ADAMTSL1: variants seen among roughly 807,000 people sequenced by gnomAD.
ADAMTSL1 encodes the protein ADAMTS-like protein 1.
A neutral mutation model predicts 201.8 loss-of-function variants in ADAMTSL1; 126 were observed. The observed-to-expected ratio is 0.62, with a 90% confidence interval of 0.54 to 0.72. The LOEUF (loss-of-function observed/expected upper bound fraction) is 0.72, where lower values mean the gene tolerates loss of function less well. Ranked by LOEUF, ADAMTSL1 falls within the 30% of genes least tolerant of loss-of-function variation. The pLI is 0.00. For missense variants in ADAMTSL1, 2,679 were observed against 2,277.8 expected (o/e 1.18, Z -3.59); for synonymous variants, 1,121 against 903.4 (o/e 1.24, Z -4.32).
chr9:18,106,386 C>T (rs192376197), intron 1 of ADAMTSL1, among the ~76,000 whole-genome samples: 50 of 152,268 alleles, frequency 3.3e-4, no homozygotes, highest in African/African-American at 1.1e-3. Context: ...ATTTGTAAAG[C>T]TGCAAAGAGA....
chr9:18,870,817 T>C (rs2131461082), intron 23 of ADAMTSL1, among the ~76,000 whole-genome samples: 1 of 152,324 alleles, frequency 6.6e-6, no homozygotes, highest in South Asian at 2.1e-4. Flanking sequence ...TGTTTTTGTT[T>C]AGATTTTATG....
chr9:18,581,576 G>A (rs1823094306), intron 4 of ADAMTSL1, among the ~76,000 whole-genome samples: 1 of 152,144 alleles, frequency 6.6e-6, no homozygotes. Context: ...AGCTGAATCA[G>A]CTATGGGTGA....
rs1237732575 is a variant in ADAMTSL1, at chr9:18,123,495, C to T, written c.88-40367C>T. Among the ~76,000 whole-genome samples the T allele has an allele frequency of 2.0e-5, 3 of 152,152 alleles. No individual in the cohort carries two copies. The South Asian group carries it at 6.2e-4, about 32-fold the overall frequency. On this transcript the variant is annotated intron_variant, in intron 1 of 29. Transcript: ENST00000680146. ...TAAAAATTGGAAGTAGTCTAGTTTTCTGATTGTATAATAACAATGTAATAT... is the reference window on the plus strand; with the variant it reads ...TAAAAATTGGAAGTAGTCTAGTTTTTTGATTGTATAATAACAATGTAATAT...
intron 1 of ADAMTSL1, among the ~76,000 whole-genome samples, chr9:18,126,371 G>C (rs186764374): frequency 6.6e-6 from 1 of 152,044 alleles, no homozygotes; most frequent in Admixed American, 6.6e-5. Context: ...TTAAGATTTA[G>C]TTCCAGTATT....
rs182864056 is a variant in ADAMTSL1, at chr9:18,489,164, T to C, written c.63+14869T>C. ...ATGTATAGACAGAGTTGACAATCACTGATCTAATTGAATATTTAAAGGGTT... is the reference window on the plus strand; with the variant it reads ...ATGTATAGACAGAGTTGACAATCACCGATCTAATTGAATATTTAAAGGGTT... On this transcript the variant is annotated intron_variant, in intron 1 of 28. Transcript: ENST00000380548. Among the ~76,000 whole-genome samples, 287 of 152,334 alleles carry C rather than the reference T, an allele frequency of 1.9e-3. 3 individuals are homozygous for C. The highest frequency in any genetic ancestry group is 6.7e-3 in the African/African-American group (279 of 41,570).
chr9:18,580,442 G>A (rs546828858), intron 4 of ADAMTSL1, among the ~76,000 whole-genome samples: 5 of 152,240 alleles, frequency 3.3e-5, no homozygotes, highest in South Asian at 2.1e-4. Context: ...GAAATAAGGC[G>A]TTGGACATTT....
intron 2 of ADAMTSL1, among the ~76,000 whole-genome samples, chr9:18,510,792 C>A (rs1376728607): frequency 6.6e-6 from 1 of 151,818 alleles, no homozygotes; most frequent in African/African-American, 2.4e-5. Context: ...CCTACTGGTG[C>A]TTGATGATGG....
intron 19 of ADAMTSL1, among the ~76,000 whole-genome samples, chr9:18,793,741 CTG>C (rs1456038475): frequency 1.3e-5 from 2 of 152,080 alleles, no homozygotes; most frequent in African/African-American, 4.8e-5. Flanking sequence ...CCTAAAGTAC[CTG>C]TCAGGTCTAG....
intron 7 of ADAMTSL1, among the ~76,000 whole-genome samples, chr9:18,656,554 G>A (rs550486813): frequency 9.2e-4 from 139 of 151,384 alleles, no homozygotes; most frequent in Non-Finnish European, 1.8e-3. Flanking sequence ...GTGTGAACCC[G>A]GGAGGCGGAG....
intron 23 of ADAMTSL1, among the ~76,000 whole-genome samples, chr9:18,874,057 G>T (rs1450171304): frequency 6.6e-6 from 1 of 151,966 alleles, no homozygotes; most frequent in Non-Finnish European, 1.5e-5. Context: ...TGCAACTATT[G>T]TGAAAGGAGT....
chr9:18,745,653 C>T (rs565052636), intron 15 of ADAMTSL1, among the ~76,000 whole-genome samples: 2 of 152,258 alleles, frequency 1.3e-5, no homozygotes, highest in Admixed American at 1.3e-4. Context: ...AAATACTGTA[C>T]ACATATATGT....
intron 2 of ADAMTSL1, among the ~76,000 whole-genome samples, chr9:18,509,232 A>AAAAGAGTGCCTTG (rs1817874364): frequency 7.7e-6 from 1 of 129,880 alleles, no homozygotes; most frequent in Non-Finnish European, 1.6e-5. Context: ...AAAAAAAAAA[A>AAAAGAGTGCCTTG]GAAATAGATA....
chr9:17,942,395 T>C (rs1645615318), intron 1 of ADAMTSL1, among the ~76,000 whole-genome samples: 1 of 152,174 alleles, frequency 6.6e-6, no homozygotes, highest in Non-Finnish European at 1.5e-5. Context: ...ATTATCAATG[T>C]AATCTTTTGT....
intron 1 of ADAMTSL1, among the ~76,000 whole-genome samples, chr9:18,058,461 A>G (rs746236128): frequency 6.6e-6 from 1 of 152,202 alleles, no homozygotes; most frequent in Non-Finnish European, 1.5e-5. Flanking sequence ...ATTACATCGC[A>G]TTGACATGTA....
At chr9:18,902,637 CTT>C (rs1044668805) in intron 26 of ADAMTSL1, among the ~76,000 whole-genome samples, 8 of 151,950 alleles carry the variant, frequency 5.3e-5, no homozygotes, top group African/African-American at 1.7e-4. Flanking sequence ...GCTGTAAATG[CTT>C]ACATTAAAAA....
chr9:18,655,860 A>AATACT (rs1394300319), intron 7 of ADAMTSL1, among the ~76,000 whole-genome samples: 1 of 149,104 alleles, frequency 6.7e-6, no homozygotes, highest in Non-Finnish European at 1.5e-5. Context: ...GAATGTGATT[A>AATACT]ATACTACATC....
intron 2 of ADAMTSL1, among the ~76,000 whole-genome samples, chr9:18,348,339 A>G (rs1244015804): frequency 1.3e-5 from 2 of 152,132 alleles, no homozygotes; most frequent in South Asian, 4.1e-4. Flanking sequence ...CACATCTTCC[A>G]TCACTTCCAC....
At chr9:18,506,514 A>G (rs1817668371) in intron 2 of ADAMTSL1, among the ~76,000 whole-genome samples, 1 of 152,210 alleles carries the variant, frequency 6.6e-6, no homozygotes, top group Admixed American at 6.5e-5. Flanking sequence ...TGAGAGACTG[A>G]GAAGCAATTT....
At position 18,633,638 on chromosome 9, in the gene ADAMTSL1, C is replaced by CTTTT. The variant is rs58807960; in HGVS notation, c.602-2290_602-2287dup. On this transcript the variant is annotated intron_variant, in intron 5 of 28. Transcript: ENST00000380548. ...AGAAGCTCTGTAGGCCTAATCTTAA[C>CTTTT]TTTTTTTTTTTTTTTTTTGGTTCCT... Among the ~76,000 whole-genome samples, 487 of 123,732 alleles carry CTTTT rather than the reference C, an allele frequency of 3.9e-3. 10 individuals carry two copies. Among genetic ancestry groups the CTTTT allele is most frequent in the South Asian group, 0.016 (55 of 3,372 alleles). The allele number at this position is 123,732 out of a possible 152,430, so 81.2% of individuals were successfully genotyped here.
Sources: allele counts gnomAD v4.1 joint callset (sites outside exome capture counted in the v4.1 genomes callset), GRCh38; gene constraint gnomAD v4.1.1; transcripts MANE v1.5; gene names NCBI Gene and HGNC (gene_info 2026-07-23, HGNC 2026-07-21).